The following ZDHHC11B variants were observed in gnomAD, a reference collection of about 807,000 sequenced individuals.
The protein encoded by ZDHHC11B is zDHHC palmitoyltransferase 11B (putative), also known as probable palmitoyltransferase ZDHHC11B.
ZDHHC11B carries 17 observed loss-of-function variants against 42.3 expected under a neutral mutation model. That is an observed-to-expected ratio of 0.40 (90% confidence interval 0.27 to 0.60). The LOEUF (loss-of-function observed/expected upper bound fraction) is 0.60. Among genes scored for constraint, ZDHHC11B ranks in the 20% least tolerant of loss-of-function variants. ZDHHC11B has a pLI of 0.41. For synonymous variants in ZDHHC11B, 123 were observed against 193.5 expected (o/e 0.64, Z 3.02); for missense variants, 262 against 463.2 (o/e 0.57, Z 3.99).
rs1239117164 is a variant in ZDHHC11B at position 736,107 on chromosome 5, A to G, written c.936-2268T>C. ...ATGTATAAGGACTGAAATAAACTTA[A>G]GGTAAAGTGGCAGAAAAGATATTCC... On this transcript the variant is annotated intron_variant, in intron 10 of 13. Coordinates refer to ENST00000508859, the MANE Select transcript of ZDHHC11B (RefSeq NM_001351303.2). 1.3e-5 allele frequency among the ~76,000 whole-genome samples: 2 copies of G among 149,406 alleles called. 1 individual carries two copies. The highest frequency in any genetic ancestry group is 1.4e-4 in the Admixed American group (2 of 14,714).
At chr5:751,376 GGGGGGCACAGCGGCA>G (rs1745648770) in intron 6 of ZDHHC11B, 119 bp from the exon 7 acceptor site, 4 of 180,136 alleles carry the variant, frequency 2.2e-5, no homozygotes, top group African/African-American at 1.0e-4. Flanking sequence ...GGGCGGGCGT[GGGGGGCACAGCGGCA>G]GGGGGCACGC....
At chr5:730,385 G>A in intron 12 of ZDHHC11B, 49 bp downstream of exon 12, 1 of 1,554,152 alleles carries the variant, frequency 6.4e-7, no homozygotes, top group Non-Finnish European at 8.7e-7. Flanking sequence ...TTTGAGTTCA[G>A]GCAAGTGTAC....
At chr5:777,822 G>T (rs1255061266) in intron 1 of ZDHHC11B, among the ~76,000 whole-genome samples, 3 of 151,978 alleles carry the variant, frequency 2.0e-5, no homozygotes, top group African/African-American at 7.2e-5. Context: ...TGCGCCACGC[G>T]CCCGCACTCC....
At chr5:776,974 G>A (rs576813778) in intron 1 of ZDHHC11B, among the ~76,000 whole-genome samples, 1 of 152,024 alleles carries the variant, frequency 6.6e-6, no homozygotes, top group East Asian at 1.9e-4. Flanking sequence ...CTCCCAATCA[G>A]AACAAAGCTG....
rs1251265413 is a variant in ZDHHC11B at position 746,614 on chromosome 5, C to G, written c.785-1316G>C. Among the ~76,000 whole-genome samples the G allele has an allele frequency of 7.4e-5, 11 of 147,984 alleles. 1 individual carries two copies. Among genetic ancestry groups the G allele is most frequent in the Non-Finnish European group, 1.5e-4 (10 of 67,044 alleles). On this transcript the variant is annotated intron_variant, in intron 8 of 13. Transcript: ENST00000508859. ...CCAGCCCCGCATGGCTTCAGGCCCA[C>G]TGCACTTCCCTGCTCTGCCACCTGA...
At chr5:725,899 C>T (rs1187042881) in intron 12 of ZDHHC11B, among the ~76,000 whole-genome samples, 11 of 152,344 alleles carry the variant, frequency 7.2e-5, no homozygotes, top group Non-Finnish European at 1.3e-4. Context: ...TGGAAAGCAC[C>T]CTGGATGCTT....
At chr5:783,964 A>G (rs899741707) in intron 1 of ZDHHC11B, among the ~76,000 whole-genome samples, 1 of 150,606 alleles carries the variant, frequency 6.6e-6, no homozygotes, top group Non-Finnish European at 1.5e-5. Context: ...CGTTTACGTA[A>G]CCGAAACCGC....
chr5:766,095 T>TG (rs1422308109), intron 4 of ZDHHC11B, among the ~76,000 whole-genome samples: 1 of 151,846 alleles, frequency 6.6e-6, no homozygotes, highest in Admixed American at 6.6e-5. Flanking sequence ...CATGGTCAGC[T>TG]GGAGGTAGTG....
At chr5:764,544 T>G (rs1446579251) in intron 4 of ZDHHC11B, among the ~76,000 whole-genome samples, 1 of 151,762 alleles carries the variant, frequency 6.6e-6, no homozygotes, top group African/African-American at 2.4e-5. Flanking sequence ...CCCCCAGGAG[T>G]GCTGGTCTGC....
intron 4 of ZDHHC11B, among the ~76,000 whole-genome samples, chr5:757,746 A>C (rs1734058800): frequency 6.6e-6 from 1 of 151,840 alleles, no homozygotes; most frequent in African/African-American, 2.4e-5. Context: ...CTGTGTGTGC[A>C]GACATGGCTG....
Position 767,213 on chromosome 5 carries a change from G to A in ZDHHC11B, c.-1+179C>T, listed in dbSNP as rs576736345. ...AGGGTGTGGAGGACCCTGGGCAGAG[G>A]ACCTGGCCTGTGGCAGACCTGGGTG... On this transcript the variant is annotated intron_variant, in intron 3 of 13. Coordinates refer to ENST00000508859, the MANE Select transcript of ZDHHC11B (RefSeq NM_001351303.2). 2.0e-5 allele frequency among the ~76,000 whole-genome samples: 3 copies of A among 152,104 alleles called. No homozygotes were observed. The South Asian group carries it at 6.2e-4, about 32-fold the overall frequency.
chr5:777,566 G>C (rs979314421), intron 1 of ZDHHC11B, among the ~76,000 whole-genome samples: 4 of 152,040 alleles, frequency 2.6e-5, no homozygotes, highest in Middle Eastern at 3.4e-3. Context: ...AGGGCGTTCC[G>C]GCTACCCGCT....
intron 1 of ZDHHC11B, among the ~76,000 whole-genome samples, chr5:774,493 G>A (rs535404656): frequency 2.6e-5 from 4 of 152,354 alleles, no homozygotes; most frequent in African/African-American, 9.6e-5. Context: ...CCTTGGGCCT[G>A]GAGCCTGTTA....
At chr5:742,542 C>T (rs6555450) in intron 9 of ZDHHC11B, among the ~76,000 whole-genome samples, 5,961 of 140,922 alleles carry the variant, frequency 0.042, 127 homozygotes, top group African/African-American at 0.13. Context: ...GCAAGTATGT[C>T]GGCGCCATTT....
intron 1 of ZDHHC11B, among the ~76,000 whole-genome samples, chr5:777,007 C>G (rs990807682): frequency 2.6e-5 from 4 of 151,860 alleles, no homozygotes; most frequent in African/African-American, 9.7e-5. Flanking sequence ...CCGTGCCTTT[C>G]CCCCTGCAGC....
intron 4 of ZDHHC11B, among the ~76,000 whole-genome samples, chr5:766,212 A>G (rs1471647696): frequency 2.6e-5 from 4 of 151,744 alleles, no homozygotes; most frequent in African/African-American, 9.7e-5. Flanking sequence ...GCCTGATGGG[A>G]GGTGAGAGCA....
At chr5:730,875 G>A (rs1454110757) in intron 11 of ZDHHC11B, among the ~76,000 whole-genome samples, 1 of 151,878 alleles carries the variant, frequency 6.6e-6, no homozygotes, top group Non-Finnish European at 1.5e-5. Flanking sequence ...ACAGAGAACA[G>A]GTGGCCGTCT....
chr5:719,290 C>T (rs565772828), intron 12 of ZDHHC11B, among the ~76,000 whole-genome samples: 4 of 151,640 alleles, frequency 2.6e-5, no homozygotes, highest in South Asian at 2.1e-4. Flanking sequence ...AATAATATGG[C>T]CCACTCACAG....
intron 12 of ZDHHC11B, among the ~76,000 whole-genome samples, chr5:719,430 AG>A (rs1437008566): frequency 2.6e-5 from 4 of 151,706 alleles, no homozygotes; most frequent in Admixed American, 6.6e-5. Flanking sequence ...TAAATAAAGT[AG>A]GAAAATTACA....
Sources: gnomAD v4.1 joint callset for allele counts (sites outside exome capture counted in the v4.1 genomes callset) on GRCh38, gnomAD v4.1.1 for gene constraint, MANE v1.5 for transcripts, NCBI Gene and HGNC (gene_info 2026-07-23, HGNC 2026-07-21) for gene names.